The following DCAF8L2 variants were observed in gnomAD, a reference collection of about 807,000 sequenced individuals.
The protein encoded by DCAF8L2 is DDB1 and CUL4 associated factor 8 like 2.
For missense variants in DCAF8L2, 430 were observed against 490.7 expected (o/e 0.88, Z 1.17); for synonymous variants, 200 against 190.9 (o/e 1.05, Z -0.39).
chrX:27,687,604 G>A (rs747119240), intron 3 of DCAF8L2, among the ~76,000 whole-genome samples: 3 of 111,760 alleles, frequency 2.7e-5, no homozygotes, highest in South Asian at 3.7e-4. Flanking sequence ...CTGTAAACTC[G>A]ACACTTTGGG....
intron 3 of DCAF8L2, among the ~76,000 whole-genome samples, chrX:27,713,318 C>T (rs1931590579): frequency 9.0e-6 from 1 of 111,005 alleles, no homozygotes. Flanking sequence ...TAGAATAATG[C>T]CAAATGTTGC....
At chrX:27,514,190 G>A in the DCAF8L2 span, among the ~76,000 whole-genome samples, 1 of 84,795 alleles carries the variant, frequency 1.2e-5, no homozygotes, top group Non-Finnish European at 2.2e-5. Flanking sequence ...ATGTACCCGT[G>A]CACACATATG....
At chrX:27,484,118 A>G in the DCAF8L2 span, among the ~76,000 whole-genome samples, 1 of 111,682 alleles carries the variant, frequency 9.0e-6, no homozygotes, top group African/African-American at 3.2e-5. Context: ...ATCACCAAGC[A>G]TTAGCAATTT....
chrX:27,715,366 CAA>C (rs35269496), intron 3 of DCAF8L2, among the ~76,000 whole-genome samples: 1 of 57,006 alleles, frequency 1.8e-5, no homozygotes, highest in Non-Finnish European at 3.2e-5. Context: ...GACTCCGTCT[CAA>C]AAAAAAAAAA....
the DCAF8L2 span, among the ~76,000 whole-genome samples, chrX:27,530,361 C>T: frequency 1.8e-5 from 2 of 110,759 alleles, no homozygotes; most frequent in Non-Finnish European, 3.8e-5. Flanking sequence ...CCCCAAACCC[C>T]GCCATTCTTC....
At chrX:27,563,399 A>G in the DCAF8L2 span, among the ~76,000 whole-genome samples, 1 of 112,161 alleles carries the variant, frequency 8.9e-6, no homozygotes, top group African/African-American at 3.2e-5. Context: ...GTTTATTGCA[A>G]AATGAAAGGT....
chrX:27,510,559 C>CTA, the DCAF8L2 span, among the ~76,000 whole-genome samples: 723 of 104,456 alleles, frequency 6.9e-3, 1 homozygote, highest in African/African-American at 0.022. Context: ...AGCTGTATTA[C>CTA]TATATATATA....
chrX:27,747,348 G>A lies in DCAF8L2; in HGVS notation c.453G>A (p.Ala151=). The A allele has an allele frequency of 8.6e-7, 1 of 1,163,086 alleles. No homozygotes were observed. Among genetic ancestry groups the A allele is most frequent in the Non-Finnish European group, 1.1e-6 (1 of 871,511 alleles). The change falls in exon 5 of 5, where the codon GCG becomes GCA. Residue 151 remains alanine, a synonymous_variant. Transcript: ENST00000451261. ...EEEEEEEQPR[A]GPQGSGGNHE... ...AGGAGGAAGAAGAACAGCCTCGGGCGGGTCCACAAGGCAGTGGCGGCAACC... is the reference window on the plus strand; with the variant it reads ...AGGAGGAAGAAGAACAGCCTCGGGCAGGTCCACAAGGCAGTGGCGGCAACC...
chrX:27,622,039 T>A (rs57743787), intron 1 of DCAF8L2, among the ~76,000 whole-genome samples: 8,790 of 109,842 alleles, frequency 0.08, 707 homozygotes, highest in African/African-American at 0.24. Context: ...AATATATGTT[T>A]AAAGTATTTT....
chrX:27,533,200 A>C, the DCAF8L2 span, among the ~76,000 whole-genome samples: 148 of 31,818 alleles, frequency 4.7e-3, 9 homozygotes, highest in Non-Finnish European at 9.8e-3. Context: ...GAAAGAAAGA[A>C]AGAAAGAAAG....
At chrX:27,502,335 A>AAAAAAAAT in the DCAF8L2 span, among the ~76,000 whole-genome samples, 6 of 12,714 alleles carry the variant, frequency 4.7e-4, no homozygotes, top group Non-Finnish European at 6.0e-4. Flanking sequence ...AAAAAAAAAA[A>AAAAAAAAT]ATATATATAT....
chrX:27,746,869 G>T lies in DCAF8L2; in HGVS notation c.-27G>T. 8.5e-7 allele frequency: 1 copy of T among 1,171,571 alleles called. No homozygotes were observed. Among genetic ancestry groups the T allele is most frequent in the Non-Finnish European group, 1.1e-6 (1 of 876,587 alleles). On this transcript the variant is annotated 5_prime_UTR_variant, in exon 5 of 5. Coordinates refer to ENST00000451261, the MANE Select transcript of DCAF8L2 (RefSeq NM_001353450.2). ...TAGGGGCCTGGCCTTTGCAGTTCCA[G>T]ATCTACTACAGCAAACATCGTTCAA... is the stretch of plus-strand genomic sequence containing the variant.
intron 3 of DCAF8L2, among the ~76,000 whole-genome samples, chrX:27,703,411 T>A (rs763358879): frequency 7.9e-4 from 88 of 111,304 alleles, no homozygotes; most frequent in African/African-American, 2.8e-3. Context: ...GGACACTATT[T>A]CCCAATTTCA....
At chrX:27,615,604 C>T (rs1371138835) in intron 1 of DCAF8L2, among the ~76,000 whole-genome samples, 1 of 109,958 alleles carries the variant, frequency 9.1e-6, no homozygotes, top group Non-Finnish European at 1.9e-5. Flanking sequence ...GAAATAGATT[C>T]ACTGTTCACC....
chrX:27,617,214 A>G (rs1184227135), intron 1 of DCAF8L2, among the ~76,000 whole-genome samples: 3 of 111,408 alleles, frequency 2.7e-5, no homozygotes, highest in Admixed American at 9.6e-5. Context: ...ACTTAGTTAC[A>G]TAGATTTGCC....
At chrX:27,642,785 A>T (rs1034486391) in intron 2 of DCAF8L2, among the ~76,000 whole-genome samples, 2 of 112,233 alleles carry the variant, frequency 1.8e-5, no homozygotes, top group Admixed American at 9.5e-5. Flanking sequence ...TTTTCCAAAT[A>T]TAATTGATAC....
chrX:27,473,994 C>T, the DCAF8L2 span, among the ~76,000 whole-genome samples: 1 of 110,869 alleles, frequency 9.0e-6, no homozygotes, highest in African/African-American at 3.3e-5. Flanking sequence ...TATCCATTCC[C>T]TAGGGCTCTA....
rs184467319 is a variant in DCAF8L2 at position 27,629,079 on chromosome X, G to A, written c.-341-2800G>A. On this transcript the variant is annotated intron_variant, in intron 1 of 4. Transcript: ENST00000451261. ...TTAAACTGGGTTGTTTGTTGTTGTT[G>A]CAGTTGAATTGTATGAGTTTCTTAT... is the stretch of plus-strand genomic sequence containing the variant. Among the ~76,000 whole-genome samples, 68 of 111,425 alleles carry A rather than the reference G, an allele frequency of 6.1e-4. 1 individual carries two copies. The highest frequency in any genetic ancestry group is 5.5e-3 in the South Asian group (15 of 2,705).
chrX:27,472,609 T>C, the DCAF8L2 span, among the ~76,000 whole-genome samples: 1 of 111,460 alleles, frequency 9.0e-6, no homozygotes, highest in Non-Finnish European at 1.9e-5. Context: ...TTTCTCATTG[T>C]TCAGCTTCCA....
Sources: allele counts gnomAD v4.1 joint callset (sites outside exome capture counted in the v4.1 genomes callset), GRCh38; gene constraint gnomAD v4.1.1; transcripts MANE v1.5; gene names NCBI Gene and HGNC (gene_info 2026-07-23, HGNC 2026-07-21).